SALL3: variants seen among roughly 807,000 people sequenced by gnomAD.
SALL3 encodes the protein sal-like protein 3.
SALL3 carries 25 observed loss-of-function variants against 66.2 expected under a neutral mutation model. The observed-to-expected ratio is 0.38, with a 90% CI of 0.28 to 0.53. The LOEUF (loss-of-function observed/expected upper bound fraction) is 0.53, where lower values mean the gene tolerates loss of function less well. SALL3 is among the 20% of genes least tolerant of loss of function. SALL3 has a pLI of 0.85. For missense variants in SALL3, 2,194 were observed against 1,916.5 expected (o/e 1.14, Z -2.70); for synonymous variants, 1,152 against 899.1 (o/e 1.28, Z -5.03).
In SALL3 at chr18:78,994,481, G is replaced by A. The variant is rs750721401; in HGVS notation, c.2490G>A (p.Pro830=). Residue 830 remains proline, a synonymous_variant, in exon 2 of 3, where the codon CCG becomes CCA. Coordinates refer to ENST00000537592, the MANE Select transcript of SALL3 (RefSeq NM_171999.4). The part of the protein sequence containing the change: ...KPLLSYAGSC[P]PSPPSVISSI... ...TCCTGTCCTACGCGGGGTCCTGCCC[G>A]CCCTCCCCGCCCTCGGTCATCTCCA... The A allele has an allele frequency of 2.2e-5, 21 of 947,386 alleles. No individual in the cohort carries two copies. In the East Asian group the frequency reaches 5.8e-4, roughly 26 times the overall value. 58.7% of individuals were successfully genotyped at this position (947,386 alleles called of 1,614,324 possible).
At position 78,980,483 on chromosome 18, in the gene SALL3, A is replaced by G. The variant is rs1913998074; in HGVS notation, c.82+127A>G. The G allele has an allele frequency of 2.5e-5, 12 of 489,110 alleles. 1 individual carries two copies. The South Asian group carries it at 7.0e-4, about 29-fold the overall frequency. 30.3% of individuals were successfully genotyped at this position (489,110 alleles called of 1,614,324 possible). On this transcript the variant is annotated intron_variant, in intron 1 of 2. Coordinates refer to ENST00000537592, the MANE Select transcript of SALL3 (RefSeq NM_171999.4). Reference sequence around the variant, plus strand: ...GAAAGTTCCCTGCTTCCTGCGGGCAAGCGTCCGCCCCGCGCCAGGCCGGCC... The same window carrying G: ...GAAAGTTCCCTGCTTCCTGCGGGCAGGCGTCCGCCCCGCGCCAGGCCGGCC...
chr18:78,993,437 C>T lies in SALL3; in HGVS notation c.1446C>T (p.Tyr482=), dbSNP rs1416446904. 1.2e-6 allele frequency: 2 copies of T among 1,613,088 alleles called. No homozygotes were observed. Among genetic ancestry groups the T allele is most frequent in the East Asian group, 2.2e-5 (1 of 44,840 alleles). The change falls in exon 2 of 3, where the codon TAC becomes TAT. Residue 482 remains tyrosine, a synonymous_variant. Coordinates refer to ENST00000537592, the MANE Select transcript of SALL3 (RefSeq NM_171999.4). Reference sequence around the variant, plus strand: ...ACCCCCACATCCAGATGAACCCTTACCCGGTCCCCGAGTACCTGGACAACG... The same window carrying T: ...ACCCCCACATCCAGATGAACCCTTATCCGGTCCCCGAGTACCTGGACAACG... ...EKYPHIQMNP[Y]PVPEYLDNVP...
At chr18:78,983,130 A>T (rs1914128887) in intron 1 of SALL3, among the ~76,000 whole-genome samples, 1 of 123,520 alleles carries the variant, frequency 8.1e-6, no homozygotes, top group Non-Finnish European at 1.7e-5. Context: ...TGCTTTTGTT[A>T]AAAAAAAAAA....
At position 78,993,719 on chromosome 18, in the gene SALL3, C is replaced by T. The variant is rs761787389; in HGVS notation, c.1728C>T (p.Gly576=). The change falls in exon 2 of 3, where the codon GGC becomes GGT. Residue 576 remains glycine (G), a synonymous_variant. Coordinates refer to ENST00000537592, the MANE Select transcript of SALL3 (RefSeq NM_171999.4). ...LSPGLNHVES[G]VSATAESPQS... Reference sequence around the variant, plus strand: ...CAGGCCTCAACCACGTGGAGTCCGGCGTGTCGGCCACCGCCGAGTCCCCAC... The same window carrying T: ...CAGGCCTCAACCACGTGGAGTCCGGTGTGTCGGCCACCGCCGAGTCCCCAC... 2.6e-6 allele frequency: 4 copies of T among 1,554,558 alleles called. No homozygotes were observed. The highest frequency in any genetic ancestry group is 1.2e-5 in the South Asian group (1 of 84,172).
At chr18:78,981,788 TTCA>T (rs1251945377) in intron 1 of SALL3, among the ~76,000 whole-genome samples, 11 of 152,354 alleles carry the variant, frequency 7.2e-5, no homozygotes, top group African/African-American at 2.6e-4. Context: ...TTTTGTTTAC[TTCA>T]TCACATAGAA....
chr18:78,989,480 T>G (rs944151091), intron 1 of SALL3, among the ~76,000 whole-genome samples: 1 of 152,228 alleles, frequency 6.6e-6, no homozygotes, highest in African/African-American at 2.4e-5. Flanking sequence ...TGTGGTTATG[T>G]AAGTTAATTC....
chr18:78,994,077 A>C lies in SALL3; in HGVS notation c.2086A>C (p.Met696Leu). The C allele has an allele frequency of 6.2e-7, 1 of 1,613,002 alleles. No individual in the cohort carries two copies. Residue 696 changes from methionine (M) to leucine (L), a missense_variant, in exon 2 of 3, where the codon ATG (methionine) becomes CTG (leucine). Transcript: ENST00000537592. ...RVLSCQSALK[M>L]HYRTHTGERP... Reference sequence around the variant, plus strand: ...GCTGAGCTGCCAGAGCGCGCTGAAGATGCACTACCGGACGCACACGGGGGA... The same window carrying C: ...GCTGAGCTGCCAGAGCGCGCTGAAGCTGCACTACCGGACGCACACGGGGGA...
rs375070554 is a variant in SALL3, at chr18:78,992,240, C to T, written c.249C>T (p.His83=). Residue 83 remains histidine, a synonymous_variant, in exon 2 of 3, where the codon CAC becomes CAT. Coordinates refer to ENST00000537592, the MANE Select transcript of SALL3 (RefSeq NM_171999.4). ...AGCTCCCGCCCGTGCTGATCGTGCA[C>T]GAGGACGCGCCCGCGCCGCCCCCCG... The part of the protein sequence containing the change: ...CTKLPPVLIV[H]EDAPAPPPED... The T allele has an allele frequency of 2.8e-5, 45 of 1,593,382 alleles. No individual in the cohort carries two copies. In the East Asian group the frequency reaches 5.1e-4, roughly 18 times the overall value.
At chr18:78,991,276 A>C (rs1373433493) in intron 1 of SALL3, among the ~76,000 whole-genome samples, 2 of 151,548 alleles carry the variant, frequency 1.3e-5, no homozygotes, top group Non-Finnish European at 1.5e-5. Flanking sequence ...TGCATCTGAC[A>C]GAGCCAATTA....
intron 1 of SALL3, among the ~76,000 whole-genome samples, chr18:78,984,500 A>G (rs942539586): frequency 2.6e-5 from 4 of 152,164 alleles, no homozygotes; most frequent in Non-Finnish European, 5.9e-5. Context: ...TAAGACCAAC[A>G]TGTTTTAGTC....
chr18:78,990,942 A>AT (rs1445538078), intron 1 of SALL3, among the ~76,000 whole-genome samples: 1 of 152,214 alleles, frequency 6.6e-6, no homozygotes, highest in African/African-American at 2.4e-5. Flanking sequence ...TCAGGTGTGA[A>AT]TTAGAGTTCT....
At chr18:78,983,512 AGT>A (rs1336299444) in intron 1 of SALL3, among the ~76,000 whole-genome samples, 1 of 152,114 alleles carries the variant, frequency 6.6e-6, no homozygotes, top group Non-Finnish European at 1.5e-5. Context: ...ATTGCTTCAA[AGT>A]GTGTTTTTTT....
At chr18:78,995,863 G>A (rs1914678237) in intron 2 of SALL3, among the ~76,000 whole-genome samples, 2 of 152,136 alleles carry the variant, frequency 1.3e-5, no homozygotes, top group African/African-American at 4.8e-5. Context: ...ATCCGCTGTG[G>A]GGGGAACAGG....
intron 1 of SALL3, among the ~76,000 whole-genome samples, chr18:78,981,426 G>T (rs1914068420): frequency 6.6e-6 from 1 of 152,234 alleles, no homozygotes; most frequent in Non-Finnish European, 1.5e-5. Context: ...CCTGTTATAA[G>T]TTGTTGGAGG....
intron 2 of SALL3, among the ~76,000 whole-genome samples, chr18:78,996,520 G>A (rs1189667990): frequency 1.3e-5 from 2 of 152,222 alleles, no homozygotes; most frequent in Non-Finnish European, 1.5e-5. Flanking sequence ...GATGCAAAGT[G>A]GGGGACAGTA....
intron 1 of SALL3, among the ~76,000 whole-genome samples, chr18:78,980,630 G>C (rs1914010744): frequency 6.6e-6 from 1 of 151,576 alleles, no homozygotes; most frequent in Non-Finnish European, 1.5e-5. Context: ...GGCCGCGGCC[G>C]GCTCGAGGAC....
intron 1 of SALL3, among the ~76,000 whole-genome samples, chr18:78,986,029 A>G (rs992900793): frequency 6.6e-6 from 1 of 152,232 alleles, no homozygotes; most frequent in Non-Finnish European, 1.5e-5. Flanking sequence ...CGCGTTCCTT[A>G]TAAGTGTGAT....
rs1379784229 is a variant in SALL3 at position 78,997,152 on chromosome 18, C to A, written c.3733C>A (p.Leu1245Ile). 3 of 1,614,024 alleles carry A rather than the reference C, an allele frequency of 1.9e-6. No individual in the cohort carries two copies. The highest frequency in any genetic ancestry group is 1.3e-5 in the African/African-American group (1 of 75,046). Residue 1245 changes from leucine (L) to isoleucine (I), a missense_variant, in exon 3 of 3, where the codon CTT (leucine) becomes ATT (isoleucine). Coordinates refer to ENST00000537592, the MANE Select transcript of SALL3 (RefSeq NM_171999.4). ...NGGIPQLPVS[L>I]GGSALPPLGS... Reference sequence around the variant, plus strand: ...CGGCATCCCCCAGCTCCCCGTGAGTCTTGGGGGCAGCGCCCTCCCCCCTCT... The same window carrying A: ...CGGCATCCCCCAGCTCCCCGTGAGTATTGGGGGCAGCGCCCTCCCCCCTCT...
At chr18:78,991,995 T>C in intron 1 of SALL3, 79 bp from the exon 2 acceptor site, 1 of 1,194,550 alleles carries the variant, frequency 8.4e-7, no homozygotes, top group Non-Finnish European at 1.1e-6. Context: ...AAATAAAAAA[T>C]ATTGATTTTA....
Sources: allele counts gnomAD v4.1 joint callset (sites outside exome capture counted in the v4.1 genomes callset), GRCh38; gene constraint gnomAD v4.1.1; transcripts MANE v1.5; gene names NCBI Gene and HGNC (gene_info 2026-07-23, HGNC 2026-07-21).